The following HTR1F variants were observed in gnomAD, a reference collection of about 807,000 sequenced individuals.
HTR1F encodes 5-hydroxytryptamine receptor 1F, also known as 5-hydroxytryptamine (serotonin) receptor 1F, G protein-coupled.
HTR1F carries 17 observed loss-of-function variants against 24.0 expected under a neutral mutation model. The observed-to-expected ratio is 0.71, with a 90% CI of 0.48 to 1.06. HTR1F has a LOEUF of 1.06. HTR1F is among the 50% of genes least tolerant of loss of function. The pLI, the probability that HTR1F is intolerant of heterozygous loss-of-function variation, is 0.00. For missense variants in HTR1F, 391 were observed against 427.8 expected (o/e 0.91, Z 0.76); for synonymous variants, 186 against 156.8 (o/e 1.19, Z -1.39).
At chr3:87,887,489 C>A (rs1284814098) in intron 2 of HTR1F, among the ~76,000 whole-genome samples, 2 of 152,128 alleles carry the variant, frequency 1.3e-5, no homozygotes, top group Non-Finnish European at 2.9e-5. Context: ...TCTAATTAAA[C>A]TAAAGAGCTT....
chr3:87,933,418 C>T (rs1179199705), intron 2 of HTR1F, among the ~76,000 whole-genome samples: 2 of 152,170 alleles, frequency 1.3e-5, no homozygotes, highest in Admixed American at 6.5e-5. Flanking sequence ...CAAATCGTCC[C>T]TCTTTGCAGA....
chr3:87,927,518 A>G (rs1381453798), intron 2 of HTR1F, among the ~76,000 whole-genome samples: 5 of 152,166 alleles, frequency 3.3e-5, no homozygotes, highest in Non-Finnish European at 7.4e-5. Context: ...AAAAATGTAT[A>G]TTATATTATT....
At chr3:87,850,590 T>G (rs1397451363) in intron 2 of HTR1F, among the ~76,000 whole-genome samples, 1 of 147,834 alleles carries the variant, frequency 6.8e-6, no homozygotes, top group Non-Finnish European at 1.5e-5. Flanking sequence ...ACATGTACCC[T>G]AAAACATAAG....
intron 2 of HTR1F, among the ~76,000 whole-genome samples, chr3:87,840,721 T>C (rs1368375415): frequency 6.6e-6 from 1 of 150,514 alleles, no homozygotes; most frequent in South Asian, 2.1e-4. Context: ...AAATGTGATG[T>C]ATATATGCAA....
At chr3:87,806,191 A>G (rs1372675014) in intron 1 of HTR1F, among the ~76,000 whole-genome samples, 3 of 152,104 alleles carry the variant, frequency 2.0e-5, no homozygotes, top group African/African-American at 7.2e-5. Context: ...TGTCTTTGCT[A>G]TTATGAATAA....
chr3:87,928,438 T>C (rs558565068), intron 2 of HTR1F, among the ~76,000 whole-genome samples: 297 of 152,350 alleles, frequency 1.9e-3, no homozygotes, highest in Non-Finnish European at 3.1e-3. Flanking sequence ...AGTAATAGTA[T>C]AGGTGATTTT....
Position 87,987,681 on chromosome 3 carries a change from AT to A in HTR1F, c.-42-3023del, listed in dbSNP as rs1393491755. On this transcript the variant is annotated intron_variant, in intron 2 of 2. Coordinates refer to ENST00000319595, the MANE Select transcript of HTR1F (RefSeq NM_001322209.2). ...ATAAAAATATATGTATTATATATAT[AT>A]TTTATATATATAAAATATATGTATT... 1.3e-3 allele frequency among the ~76,000 whole-genome samples: 160 copies of A among 127,606 alleles called. 4 individuals carry two copies. Among genetic ancestry groups the A allele is most frequent in the African/African-American group, 4.2e-3 (147 of 35,202 alleles). The allele number at this position is 127,606 out of a possible 152,430, so 83.7% of individuals were successfully genotyped here.
At chr3:87,922,594 G>T (rs1438551972) in intron 2 of HTR1F, among the ~76,000 whole-genome samples, 1 of 151,662 alleles carries the variant, frequency 6.6e-6, no homozygotes, top group Non-Finnish European at 1.5e-5. Context: ...TAAAGTTTTT[G>T]CCCAGGCCAA....
chr3:87,935,861 T>G lies in HTR1F; in HGVS notation c.-42-54847T>G, dbSNP rs192376741. On this transcript the variant is annotated intron_variant, in intron 2 of 2. Coordinates refer to ENST00000319595, the MANE Select transcript of HTR1F (RefSeq NM_001322209.2). The stretch of plus-strand genomic sequence containing the variant: ...AACATTTCCCCACATTTTTAGGATT[T>G]TTTTTTTTAGATGGAGTCTCGCTCT... Among the ~76,000 whole-genome samples the G allele has an allele frequency of 1.8e-4, 27 of 152,184 alleles. 1 individual carries two copies. Among genetic ancestry groups the G allele is most frequent in the African/African-American group, 5.5e-4 (23 of 41,536 alleles).
chr3:87,851,829 A>G (rs1394980876), intron 2 of HTR1F, among the ~76,000 whole-genome samples: 17 of 151,682 alleles, frequency 1.1e-4, no homozygotes, highest in Admixed American at 3.3e-4. Context: ...AAAACCTATA[A>G]GAATGTACAT....
chr3:87,844,198 T>A (rs1704881474), intron 2 of HTR1F, among the ~76,000 whole-genome samples: 1 of 151,930 alleles, frequency 6.6e-6, no homozygotes, highest in African/African-American at 2.4e-5. Context: ...TGTTGTTTCC[T>A]GACTTTTTAA....
At chr3:87,964,120 G>T (rs1387964727) in intron 2 of HTR1F, among the ~76,000 whole-genome samples, 2 of 151,880 alleles carry the variant, frequency 1.3e-5, no homozygotes, top group Non-Finnish European at 2.9e-5. Context: ...TTGGCTGCCG[G>T]GTGCTTTAAC....
In HTR1F at chr3:87,826,716, C is replaced by T. The variant is rs1361915377; in HGVS notation, c.-43+4592C>T. On this transcript the variant is annotated intron_variant, in intron 2 of 2. Transcript: ENST00000319595. Reference sequence around the variant, plus strand: ...TTGGTACTATTTGTCTTACCTACTACCGTGTAAATTCCTTGAATGGAGAAC... The same window carrying T: ...TTGGTACTATTTGTCTTACCTACTATCGTGTAAATTCCTTGAATGGAGAAC... 2.0e-5 allele frequency among the ~76,000 whole-genome samples: 3 copies of T among 152,114 alleles called. No individual in the cohort carries two copies. The East Asian group carries it at 5.8e-4, about 29-fold the overall frequency.
chr3:87,894,641 A>G (rs1249414252), intron 2 of HTR1F, among the ~76,000 whole-genome samples: 2 of 148,768 alleles, frequency 1.3e-5, no homozygotes, highest in Non-Finnish European at 3.0e-5. Context: ...TTTTCAAAAT[A>G]AAAGTAAAAA....
At chr3:87,920,410 A>G (rs1469559704) in intron 2 of HTR1F, among the ~76,000 whole-genome samples, 1 of 152,048 alleles carries the variant, frequency 6.6e-6, no homozygotes, top group Non-Finnish European at 1.5e-5. Flanking sequence ...AAATAAAAAA[A>G]CAAGCATATC....
At chr3:87,830,035 A>T (rs1704544057) in intron 2 of HTR1F, among the ~76,000 whole-genome samples, 1 of 152,206 alleles carries the variant, frequency 6.6e-6, no homozygotes, top group African/African-American at 2.4e-5. Context: ...AGTCTTATTT[A>T]CAAAATAAAT....
intron 2 of HTR1F, among the ~76,000 whole-genome samples, chr3:87,970,066 T>G (rs1705254425): frequency 1.3e-5 from 2 of 152,236 alleles, no homozygotes; most frequent in Admixed American, 6.5e-5. Context: ...TTCTCTTTCT[T>G]TATAAATTAC....
chr3:87,959,342 A>C (rs1705011912), intron 2 of HTR1F, among the ~76,000 whole-genome samples: 1 of 151,856 alleles, frequency 6.6e-6, no homozygotes, highest in African/African-American at 2.4e-5. Context: ...CCTCCTTATA[A>C]TATCCAAATT....
At chr3:87,953,502 C>G (rs1202382184) in intron 2 of HTR1F, among the ~76,000 whole-genome samples, 1 of 149,484 alleles carries the variant, frequency 6.7e-6, no homozygotes, top group Non-Finnish European at 1.5e-5. Flanking sequence ...CATCTAACCC[C>G]AGTTAGAATG....
Sources: gnomAD v4.1 joint callset for allele counts (sites outside exome capture counted in the v4.1 genomes callset) on GRCh38, gnomAD v4.1.1 for gene constraint, MANE v1.5 for transcripts, NCBI Gene and HGNC (gene_info 2026-07-23, HGNC 2026-07-21) for gene names.